The following LTBP2 variants were observed in gnomAD, a reference collection of about 807,000 sequenced individuals.
LTBP2 encodes latent transforming growth factor beta binding protein 2.
LTBP2 carries 103 observed loss-of-function variants against 210.6 expected under a neutral mutation model. The ratio of observed to expected loss-of-function variants is 0.49; its 90% CI spans 0.42 to 0.58. The LOEUF is 0.58. Among genes scored for constraint, LTBP2 ranks in the 20% least tolerant of loss-of-function variants. LTBP2 has a pLI of 0.00. For missense variants in LTBP2, 2,313 were observed against 2,494.5 expected (o/e 0.93, Z 1.55); for synonymous variants, 1,007 against 1,015.0 (o/e 0.99, Z 0.15).
rs1252002464 is a variant in LTBP2 at position 74,507,410 on chromosome 14, T to A, written c.3776-100A>T. ...CACAACCTCTGGGGTTCTTGATCTATTCCAAATTACTGTGCTCATCCCAAC... is the reference window on the plus strand; with the variant it reads ...CACAACCTCTGGGGTTCTTGATCTAATCCAAATTACTGTGCTCATCCCAAC... On this transcript the variant is annotated intron_variant, in intron 25 of 35. Transcript: ENST00000261978. 6 of 1,531,160 alleles carry A rather than the reference T, an allele frequency of 3.9e-6. No individual in the cohort carries two copies. In the African/African-American group the frequency reaches 6.8e-5, roughly 17 times the overall value. 94.8% of individuals were successfully genotyped at this position (1,531,160 alleles called of 1,614,324 possible).
intron 8 of LTBP2, among the ~76,000 whole-genome samples, chr14:74,540,944 A>ATAT (rs1248514534): frequency 1.6e-4 from 4 of 24,300 alleles, no homozygotes; most frequent in Non-Finnish European, 3.4e-4. Flanking sequence ...ATATATATAT[A>ATAT]TTTTTTATAT....
intron 2 of LTBP2, among the ~76,000 whole-genome samples, chr14:74,593,474 G>T (rs1439761568): frequency 6.6e-6 from 1 of 152,210 alleles, no homozygotes; most frequent in African/African-American, 2.4e-5. Context: ...ATATGGGGCT[G>T]ATAATTCTTG....
intron 2 of LTBP2, among the ~76,000 whole-genome samples, chr14:74,591,828 C>T (rs758235089): frequency 6.6e-6 from 1 of 152,176 alleles, no homozygotes; most frequent in Non-Finnish European, 1.5e-5. Context: ...AAACACTTTC[C>T]TGGGTTGTTT....
chr14:74,564,083 A>ATT (rs1379886099), intron 3 of LTBP2, among the ~76,000 whole-genome samples: 2 of 44,956 alleles, frequency 4.4e-5, no homozygotes, highest in African/African-American at 1.9e-4. Context: ...ATTTATATAT[A>ATT]TATTTATATA....
chr14:74,503,804 C>A, intron 31 of LTBP2, 122 bp downstream of exon 31: 1 of 1,454,774 alleles, frequency 6.9e-7, no homozygotes, highest in South Asian at 1.2e-5. Context: ...CAGCCTGCTG[C>A]AGTGGGCGGC....
chr14:74,509,383 G>A lies in LTBP2; in HGVS notation c.3278-20C>T, dbSNP rs200897310. ...CTAGGTCTGCAGACAGACAGCGCTC[G>A]CCCGGGGACCTAGGAGGGCTCCCAC... On this transcript the variant is annotated intron_variant, in intron 21 of 35. Transcript: ENST00000261978. 714 of 1,612,418 alleles carry A rather than the reference G, an allele frequency of 4.4e-4. 1 individual carries two copies. Among genetic ancestry groups the A allele is most frequent in the Non-Finnish European group, 5.0e-4 (587 of 1,179,588 alleles).
At chr14:74,558,011 C>T (rs1010928716) in intron 3 of LTBP2, among the ~76,000 whole-genome samples, 2 of 152,218 alleles carry the variant, frequency 1.3e-5, no homozygotes, top group African/African-American at 4.8e-5. Flanking sequence ...GGATAAGGCC[C>T]TGGGATTCTC....
chr14:74,567,995 A>G (rs2087926505), intron 3 of LTBP2, among the ~76,000 whole-genome samples: 1 of 152,186 alleles, frequency 6.6e-6, no homozygotes, highest in African/African-American at 2.4e-5. Flanking sequence ...GCATTATGCA[A>G]AGGGCATCTT....
chr14:74,583,401 A>G (rs908876417), intron 3 of LTBP2, among the ~76,000 whole-genome samples: 1 of 152,190 alleles, frequency 6.6e-6, no homozygotes, highest in African/African-American at 2.4e-5. Context: ...TTGGCCTCCT[A>G]AAGCAAAACA....
At chr14:74,567,435 G>C (rs1277760039) in intron 3 of LTBP2, among the ~76,000 whole-genome samples, 1 of 152,178 alleles carries the variant, frequency 6.6e-6, no homozygotes, top group Non-Finnish European at 1.5e-5. Flanking sequence ...TGGGCACTGG[G>C]CTCACACCCG....
At chr14:74,561,084 T>A (rs2087787989) in intron 3 of LTBP2, among the ~76,000 whole-genome samples, 1 of 152,148 alleles carries the variant, frequency 6.6e-6, no homozygotes, top group Non-Finnish European at 1.5e-5. Flanking sequence ...TTTGGGAGGC[T>A]GAGGCAGGCA....
chr14:74,508,984 G>A (rs371132964), intron 22 of LTBP2, 32 bp from the exon 23 acceptor site: 13 of 1,611,472 alleles, frequency 8.1e-6, no homozygotes, highest in Non-Finnish European at 1.1e-5. Flanking sequence ...GAAGACAGCC[G>A]ATGGCAGCAC....
Position 74,503,126 on chromosome 14 carries a change from C to A in LTBP2, c.4888+93G>T, listed in dbSNP as rs979389724. 3 of 1,567,378 alleles carry A rather than the reference C, an allele frequency of 1.9e-6. No homozygotes were observed. The South Asian group carries it at 3.4e-5, about 18-fold the overall frequency. On this transcript the variant is annotated intron_variant, in intron 33 of 35. Coordinates refer to ENST00000261978, the MANE Select transcript of LTBP2 (RefSeq NM_000428.3). ...TGGAAGACAGGGCCTTTGCTCTGCTCCTTCTTTCTAGATCCCCAGTTCCAA... is the reference window on the plus strand; with the variant it reads ...TGGAAGACAGGGCCTTTGCTCTGCTACTTCTTTCTAGATCCCCAGTTCCAA...
In LTBP2 at chr14:74,561,993, T is replaced by C. The variant is rs560201820; in HGVS notation, c.831-6300A>G. Among the ~76,000 whole-genome samples the C allele has an allele frequency of 2.0e-5, 3 of 152,264 alleles. No individual in the cohort carries two copies. In the South Asian group the frequency reaches 6.2e-4, roughly 32 times the overall value. ...GGGAGGCCGAGGCGGATGGATCACC[T>C]GAGGTCAGGAGTTTGAGACCAGCCT... On this transcript the variant is annotated intron_variant, in intron 3 of 35. Coordinates refer to ENST00000261978, the MANE Select transcript of LTBP2 (RefSeq NM_000428.3).
chr14:74,552,100 C>CT, intron 6 of LTBP2, 87 bp downstream of exon 6: 2 of 1,296,296 alleles, frequency 1.5e-6, no homozygotes, highest in Non-Finnish European at 2.2e-6. Context: ...AGGCAGCTTC[C>CT]CTATCCCTGT....
intron 14 of LTBP2, 138 bp from the exon 15 acceptor site, chr14:74,525,363 G>A (rs1203576365): frequency 2.1e-5 from 9 of 418,746 alleles, no homozygotes; most frequent in Non-Finnish European, 3.8e-5. Flanking sequence ...CCAGTCTCCT[G>A]AAAGTTGATC....
intron 3 of LTBP2, 129 bp downstream of exon 3, chr14:74,585,725 G>T: frequency 7.0e-7 from 1 of 1,430,212 alleles, no homozygotes; most frequent in Non-Finnish European, 9.5e-7. Flanking sequence ...AGCCAAGGAG[G>T]GTGGGGAGGA....
chr14:74,576,539 G>A (rs1418085110), intron 3 of LTBP2, among the ~76,000 whole-genome samples: 1 of 152,068 alleles, frequency 6.6e-6, no homozygotes, highest in Non-Finnish European at 1.5e-5. Context: ...GTTGAGGTTT[G>A]AAAATATTAA....
At position 74,511,349 on chromosome 14, in the gene LTBP2, C is replaced by T. The variant is rs141766242; in HGVS notation, c.2924G>A (p.Arg975His). ...CCCATCAGGGCAGGTACCGGGGTGA[C>T]GGCATTCGTTGATATCTGCAAAACA... The part of the protein sequence containing the change: ...KGHCQDINEC[R>H]HPGTCPDGRC... The change falls in exon 19 of 36, where the codon CGT becomes CAT. Residue 975 changes from arginine (R) to histidine (H), a missense_variant. Transcript: ENST00000261978. 1.7e-4 allele frequency: 280 copies of T among 1,614,034 alleles called. 1 individual carries two copies. The African/African-American group carries it at 2.9e-3, about 17-fold the overall frequency.
Sources: allele counts gnomAD v4.1 joint callset (sites outside exome capture counted in the v4.1 genomes callset), GRCh38; gene constraint gnomAD v4.1.1; transcripts MANE v1.5; gene names NCBI Gene and HGNC (gene_info 2026-07-23, HGNC 2026-07-21).